Variants in EP300 observed in about 807,000 individuals in gnomAD.
EP300 encodes the protein histone acetyltransferase p300.
A neutral mutation model predicts 264.0 loss-of-function variants in EP300; 31 were observed. That is an observed-to-expected ratio of 0.12 (90% CI 0.09 to 0.16). The LOEUF is 0.16. Ranked by LOEUF, EP300 falls within the 10% of genes least tolerant of loss-of-function variation. The pLI is 1.00. For synonymous variants in EP300, 1,340 were observed against 1,045.4 expected (o/e 1.28, Z -5.44); for missense variants, 2,766 against 3,052.9 (o/e 0.91, Z 2.21).
chr22:41,170,904 C>A (rs1466780168), intron 27 of EP300, among the ~76,000 whole-genome samples: 2 of 150,974 alleles, frequency 1.3e-5, no homozygotes, highest in East Asian at 3.9e-4. Flanking sequence ...ACCTTGTGAT[C>A]CGCCCGCCTT....
chr22:41,097,298 G>A (rs2145672020), intron 1 of EP300, among the ~76,000 whole-genome samples: 1 of 152,330 alleles, frequency 6.6e-6, no homozygotes, highest in Middle Eastern at 3.4e-3. Context: ...TCTTATTCCA[G>A]CAGGAGTTCA....
chr22:41,169,046 C>T (rs1316095492), intron 25 of EP300, 179 bp downstream of exon 25: 7 of 774,770 alleles, frequency 9.0e-6, no homozygotes, highest in Non-Finnish European at 1.5e-5. Context: ...AACAAAATAA[C>T]CGCTCAATAC....
intron 1 of EP300, among the ~76,000 whole-genome samples, chr22:41,098,003 T>C (rs2058711347): frequency 6.6e-6 from 1 of 151,816 alleles, no homozygotes; most frequent in Admixed American, 6.6e-5. Context: ...TAAAAATTTT[T>C]TTTTTTTTTA....
chr22:41,143,209 T>C (rs1477698563), intron 10 of EP300, among the ~76,000 whole-genome samples: 2 of 152,150 alleles, frequency 1.3e-5, no homozygotes, highest in African/African-American at 4.8e-5. Flanking sequence ...TCCCAGCTCT[T>C]TGGGAGGCTG....
At chr22:41,151,804 T>C in intron 14 of EP300, 29 bp from the exon 15 acceptor site, 2 of 1,612,280 alleles carry the variant, frequency 1.2e-6, no homozygotes, top group Middle Eastern at 3.6e-4. Flanking sequence ...TGCGTGTGTC[T>C]CACCTACTTC....
intron 1 of EP300, among the ~76,000 whole-genome samples, chr22:41,099,572 G>A (rs542803790): frequency 2.0e-5 from 3 of 152,232 alleles, no homozygotes; most frequent in South Asian, 4.1e-4. Context: ...AAACTATCAC[G>A]AATTTTTTTC....
intron 5 of EP300, 133 bp downstream of exon 5, chr22:41,130,136 AATTTTTCTGCTTCCCTAGT>A: frequency 2.8e-6 from 2 of 704,630 alleles, no homozygotes; most frequent in Non-Finnish European, 4.8e-6. Context: ...TTTCCCTTTT[AATTTTTCTGCTTCCCTAGT>A]GCATAGAATT....
chr22:41,140,997 G>A (rs778438368), intron 9 of EP300, 51 bp from the exon 10 acceptor site: 2 of 1,543,974 alleles, frequency 1.3e-6, no homozygotes, highest in Non-Finnish European at 8.9e-7. Flanking sequence ...GTTACCTGGT[G>A]GTAGTTCCTT....
intron 1 of EP300, among the ~76,000 whole-genome samples, chr22:41,105,405 G>C (rs199800636): frequency 5.4e-5 from 8 of 148,952 alleles, no homozygotes; most frequent in Admixed American, 2.7e-4. Flanking sequence ...TTGTTTGTTT[G>C]TTTCTTTTTT....
intron 2 of EP300, among the ~76,000 whole-genome samples, chr22:41,119,166 C>CTTATTATTATTA (rs374638061): frequency 1.4e-4 from 2 of 14,714 alleles, no homozygotes; most frequent in Non-Finnish European, 2.1e-4. Context: ...CCATGCCTGG[C>CTTATTATTATTA]TTATTATTAT....
At chr22:41,121,565 A>G (rs150453794) in intron 2 of EP300, among the ~76,000 whole-genome samples, 2 of 152,216 alleles carry the variant, frequency 1.3e-5, no homozygotes, top group Non-Finnish European at 2.9e-5. Flanking sequence ...GCTGATCAGC[A>G]ATCAGTGTAG....
rs869304891 is a variant in EP300, at chr22:41,154,376, C to CTTTTTTTTTTTTTT, written c.3143-609_3143-596dup. On this transcript the variant is annotated intron_variant, in intron 16 of 30. Transcript: ENST00000263253. ...TCTTAACACGAGTATCTTGTGCACTCTTTTTTTTTTTTTTTTTTTTTTTGA... is the reference window on the plus strand; with the variant it reads ...TCTTAACACGAGTATCTTGTGCACTCTTTTTTTTTTTTTTTTTTTTTTTTTTTTTTTTTTTTTGA... 3.8e-3 allele frequency among the ~76,000 whole-genome samples: 235 copies of CTTTTTTTTTTTTTT among 61,786 alleles called. 33 individuals carry two copies. Among genetic ancestry groups the CTTTTTTTTTTTTTT allele is most frequent in the Non-Finnish European group, 4.8e-3 (170 of 35,518 alleles). 40.5% of individuals were successfully genotyped at this position (61,786 alleles called of 152,430 possible).
chr22:41,117,449 T>C lies in EP300; in HGVS notation c.357T>C (p.Asn119=). The C allele has an allele frequency of 1.2e-6, 2 of 1,614,062 alleles. No individual in the cohort carries two copies. The highest frequency in any genetic ancestry group is 2.2e-5 in the South Asian group (2 of 91,086). Reference sequence around the variant, plus strand: ...GCAGTCCTGGATTAGGTTTGATAAATAGCATGGTCAAAAGCCCAATGACAC... The same window carrying C: ...GCAGTCCTGGATTAGGTTTGATAAACAGCATGGTCAAAAGCCCAATGACAC... ...QQSSPGLGLI[N]SMVKSPMTQA... Residue 119 remains asparagine, a synonymous_variant, in exon 2 of 31, where the codon AAT becomes AAC. Transcript: ENST00000263253.
At chr22:41,119,333 T>C (rs1000761666) in intron 2 of EP300, among the ~76,000 whole-genome samples, 1 of 151,932 alleles carries the variant, frequency 6.6e-6, no homozygotes, top group South Asian at 2.1e-4. Context: ...TCTGACACTT[T>C]TAGATTGCCG....
chr22:41,136,049 T>A, intron 7 of EP300, 143 bp downstream of exon 7: 1 of 732,946 alleles, frequency 1.4e-6, no homozygotes, highest in East Asian at 2.7e-5. Flanking sequence ...TCTTTCTTTT[T>A]TCGCTCTGTA....
chr22:41,160,513 G>A (rs559007865), intron 19 of EP300, 129 bp from the exon 20 acceptor site: 23 of 760,406 alleles, frequency 3.0e-5, no homozygotes, highest in Middle Eastern at 2.4e-4. Context: ...TGTCCTTGTC[G>A]CCGTTGATGA....
At chr22:41,131,774 C>A in intron 6 of EP300, 141 bp downstream of exon 6, 1 of 1,238,702 alleles carries the variant, frequency 8.1e-7, no homozygotes, top group Admixed American at 2.0e-5. Context: ...TGTAAAAGGT[C>A]CCTTACAGTT....
At position 41,150,028 on chromosome 22, in the gene EP300, A is replaced by G. The variant is rs2059034589; in HGVS notation, c.2647A>G (p.Arg883Gly). ...PQSQALHPPP[R>G]QTPTPPTTQL... Reference sequence around the variant, plus strand: ...GTCCCAGGCTCTACATCCCCCTCCAAGGCAGACACCTACACCACCAACAAC... The same window carrying G: ...GTCCCAGGCTCTACATCCCCCTCCAGGGCAGACACCTACACCACCAACAAC... The change falls in exon 14 of 31, where the codon AGG (arginine) becomes GGG (glycine). Residue 883 changes from arginine (R) to glycine (G), a missense_variant. Physicochemically the swap from Arg to Gly is moderately radical, Grantham distance 125. Transcript: ENST00000263253. 5 of 1,613,850 alleles carry G rather than the reference A, an allele frequency of 3.1e-6. No individual in the cohort carries two copies. The highest frequency in any genetic ancestry group is 1.7e-5 in the Admixed American group (1 of 59,988).
intron 4 of EP300, among the ~76,000 whole-genome samples, chr22:41,128,166 TA>T (rs2058893911): frequency 6.6e-6 from 1 of 151,884 alleles, no homozygotes; most frequent in Non-Finnish European, 1.5e-5. Flanking sequence ...ACCATGTCTT[TA>T]AAAAAGGTTG....
Sources: allele counts gnomAD v4.1 joint callset (sites outside exome capture counted in the v4.1 genomes callset), GRCh38; gene constraint gnomAD v4.1.1; transcripts MANE v1.5; gene names NCBI Gene and HGNC (gene_info 2026-07-23, HGNC 2026-07-21).